Variants in CCL25 observed in about 807,000 individuals in gnomAD.
The protein encoded by CCL25 is C-C motif chemokine 25.
Under a neutral mutation model 19.9 loss-of-function variants are expected in CCL25, and 14 were observed. That is an observed-to-expected ratio of 0.70 (90% CI 0.47 to 1.10). CCL25 has a LOEUF of 1.10. Among genes scored for constraint, CCL25 ranks in the 50% least tolerant of loss-of-function variants. The pLI is 0.00. For missense variants in CCL25, 151 were observed against 181.2 expected (o/e 0.83, Z 0.96); for synonymous variants, 68 against 73.2 (o/e 0.93, Z 0.36).
rs980480416 is a variant in CCL25 at position 8,052,822 on chromosome 19, G to A, written c.-51G>A. ...CAGCTCCCTTGACCCAGTGGATATC[G>A]GTGAGTCTTTTCCTTGAACATGACT... On this transcript the variant is annotated splice_region_variant and 5_prime_UTR_variant, in exon 1 of 6. Coordinates refer to ENST00000315626, the MANE Select transcript of CCL25 (RefSeq NM_005624.4). 22 of 492,074 alleles carry A rather than the reference G, an allele frequency of 4.5e-5. No homozygotes were observed. The highest frequency in any genetic ancestry group is 7.4e-5 in the South Asian group (2 of 27,074). 30.5% of individuals were successfully genotyped at this position (492,074 alleles called of 1,614,324 possible). A position where few individuals can be genotyped will look rare whatever the true frequency, so the allele number is the denominator to read the frequency against.
chr19:8,056,115 C>A, intron 2 of CCL25, 37 bp from the exon 3 acceptor site: 1 of 1,395,108 alleles, frequency 7.2e-7, no homozygotes, highest in East Asian at 2.3e-5. Flanking sequence ...AGTTAACATG[C>A]AAGGGTGCGA....
intron 5 of CCL25, among the ~76,000 whole-genome samples, chr19:8,059,153 T>TATATATA (rs70947769): frequency 2.6e-5 from 2 of 77,762 alleles, no homozygotes; most frequent in East Asian, 7.9e-4. Flanking sequence ...TAATATATAA[T>TATATATA]ATATATAATA....
intron 5 of CCL25, among the ~76,000 whole-genome samples, chr19:8,060,840 C>T (rs1287910979): frequency 2.0e-5 from 3 of 151,922 alleles, no homozygotes; most frequent in African/African-American, 7.3e-5. Flanking sequence ...GCCACCACGC[C>T]TGGCTAATTT....
At chr19:8,053,769 G>A (rs553071516) in intron 2 of CCL25, among the ~76,000 whole-genome samples, 4 of 151,748 alleles carry the variant, frequency 2.6e-5, no homozygotes, top group African/African-American at 9.7e-5. Context: ...GAGTAGTCTC[G>A]ATCTCCTGAT....
At position 8,062,251 on chromosome 19, in the gene CCL25, G is replaced by A; in HGVS notation, c.*26G>A. 1 of 1,612,390 alleles carries A rather than the reference G, an allele frequency of 6.2e-7. No individual in the cohort carries two copies. Among genetic ancestry groups the A allele is most frequent in the Non-Finnish European group, 8.5e-7 (1 of 1,179,632 alleles). ...GCCGGCTCATTTCTGGGCTCCATCG[G>A]CACAGGAGGGGCCGGATCTTTCTCC... On this transcript the variant is annotated 3_prime_UTR_variant, in exon 6 of 6. Transcript: ENST00000315626.
intron 1 of CCL25, 32 bp downstream of exon 1, chr19:8,052,854 A>C: frequency 1.9e-6 from 1 of 533,740 alleles, no homozygotes; most frequent in East Asian, 3.0e-5. Context: ...GACTGAGATG[A>C]ACAGCTTTTC....
At chr19:8,052,556 C>G (rs557585670), upstream of CCL25, among the ~76,000 whole-genome samples, 2 of 151,516 alleles carry the variant, frequency 1.3e-5, no homozygotes, top group African/African-American at 4.9e-5. Flanking sequence ...TTTCTGGAGA[C>G]AGTAGGGGTG....
At chr19:8,053,704 T>C (rs535866095) in intron 2 of CCL25, among the ~76,000 whole-genome samples, 13 of 151,830 alleles carry the variant, frequency 8.6e-5, no homozygotes, top group African/African-American at 2.4e-4. Flanking sequence ...GTGTGTACCA[T>C]GCCCGGCTAA....
chr19:8,055,659 C>G (rs934449157), intron 2 of CCL25, among the ~76,000 whole-genome samples: 2 of 151,962 alleles, frequency 1.3e-5, no homozygotes, highest in Non-Finnish European at 2.9e-5. Flanking sequence ...TTAGTAGAGA[C>G]GGGGTTTCAC....
chr19:8,054,251 C>G (rs917433651), intron 2 of CCL25, among the ~76,000 whole-genome samples: 12 of 152,230 alleles, frequency 7.9e-5, no homozygotes, highest in Non-Finnish European at 1.8e-4. Context: ...CTGATGGGTC[C>G]AAGTCCTTGG....
chr19:8,061,149 C>T (rs182088627), intron 5 of CCL25, among the ~76,000 whole-genome samples: 2 of 151,760 alleles, frequency 1.3e-5, no homozygotes, highest in African/African-American at 2.4e-5. Context: ...CCACCACTGC[C>T]GACTAATTTT....
chr19:8,052,531 CAG>C (rs1292413847), upstream of CCL25, among the ~76,000 whole-genome samples: 2 of 147,834 alleles, frequency 1.4e-5, no homozygotes, highest in African/African-American at 2.4e-5. Flanking sequence ...GTGAGGGAAA[CAG>C]GGGAAAAGGC....
intron 2 of CCL25, among the ~76,000 whole-genome samples, chr19:8,055,065 T>C (rs1486196301): frequency 1.3e-5 from 2 of 150,380 alleles, no homozygotes; most frequent in African/African-American, 4.9e-5. Flanking sequence ...CCAAGGCGGG[T>C]GGATCACAAG....
At chr19:8,058,212 G>C (rs533129321) in intron 5 of CCL25, among the ~76,000 whole-genome samples, 4 of 149,568 alleles carry the variant, frequency 2.7e-5, no homozygotes, top group Admixed American at 1.4e-4. Flanking sequence ...TGGTTGTCCT[G>C]TAATTCTACT....
chr19:8,059,319 C>T (rs1470753904), intron 5 of CCL25, among the ~76,000 whole-genome samples: 1 of 150,060 alleles, frequency 6.7e-6, no homozygotes, highest in Non-Finnish European at 1.5e-5. Context: ...GTGCCTCAGC[C>T]ACCCAAGTAG....
At chr19:8,062,068 A>T in intron 5 of CCL25, 150 bp from the exon 6 acceptor site, 2 of 604,088 alleles carry the variant, frequency 3.3e-6, no homozygotes, top group Non-Finnish European at 5.6e-6. Context: ...AAAAAAAAAA[A>T]GTTAGCATAA....
intron 2 of CCL25, among the ~76,000 whole-genome samples, chr19:8,055,653 T>C (rs2081265883): frequency 6.6e-6 from 1 of 152,014 alleles, no homozygotes; most frequent in African/African-American, 2.4e-5. Flanking sequence ...TATTTTTTAG[T>C]AGAGACGGGG....
rs1252672714 is a variant in CCL25 at position 8,060,321 on chromosome 19, G to T, written c.446-1897G>T. 1.5e-4 allele frequency among the ~76,000 whole-genome samples: 23 copies of T among 151,974 alleles called. 1 individual carries two copies. The Admixed American group carries it at 1.5e-3, about 10-fold the overall frequency. On this transcript the variant is annotated intron_variant, in intron 5 of 5. Coordinates refer to ENST00000315626, the MANE Select transcript of CCL25 (RefSeq NM_005624.4). ...ATACCATTGGAACTTCAGCCTGGGG[G>T]ACAAAATGAGACCCTGTCTCGAAAA...
chr19:8,062,147 G>C, intron 5 of CCL25, 71 bp from the exon 6 acceptor site: 1 of 1,511,050 alleles, frequency 6.6e-7, no homozygotes, highest in Admixed American at 1.7e-5. Context: ...TGGAGGTAGA[G>C]ACAAATGCAT....
Sources: gnomAD v4.1 joint callset for allele counts (sites outside exome capture counted in the v4.1 genomes callset) on GRCh38, gnomAD v4.1.1 for gene constraint, MANE v1.5 for transcripts, NCBI Gene and HGNC (gene_info 2026-07-23, HGNC 2026-07-21) for gene names.